Variants in MAGEA11 observed in about 807,000 individuals in gnomAD.
MAGEA11 encodes the protein melanoma-associated antigen 11.
In MAGEA11, 1 loss-of-function variant was observed where a neutral mutation model predicts 8.4. The observed-to-expected ratio is 0.12, with a 90% confidence interval of 0.04 to 0.57. The LOEUF (loss-of-function observed/expected upper bound fraction) is 0.57. Ranked by LOEUF, MAGEA11 falls within the 20% of genes least tolerant of loss-of-function variation. The pLI, the probability that MAGEA11 is intolerant of heterozygous loss-of-function variation, is 0.91. For synonymous variants in MAGEA11, 127 were observed against 119.3 expected (o/e 1.06, Z -0.42); for missense variants, 209 against 317.3 (o/e 0.66, Z 2.59).
chrX:149,714,641 C>A lies in MAGEA11; in HGVS notation c.192+65C>A, dbSNP rs2090418294. Reference sequence around the variant, plus strand: ...AGAACACAGAGGGCTGCTTAGAAATCTGCTCTGCCCCTGCTGTCTCCCCAG... The same window carrying A: ...AGAACACAGAGGGCTGCTTAGAAATATGCTCTGCCCCTGCTGTCTCCCCAG... On this transcript the variant is annotated intron_variant, in intron 3 of 4. Coordinates refer to ENST00000355220, the MANE Select transcript of MAGEA11 (RefSeq NM_005366.5). 5 of 1,183,393 alleles carry A rather than the reference C, an allele frequency of 4.2e-6. No individual in the cohort carries two copies. In the East Asian group the frequency reaches 1.5e-4, roughly 36 times the overall value.
intron 1 of MAGEA11, among the ~76,000 whole-genome samples, chrX:149,705,328 C>T (rs1557361367): frequency 9.0e-6 from 1 of 111,538 alleles, no homozygotes; most frequent in East Asian, 2.8e-4. Flanking sequence ...GAATGAGTCT[C>T]ACGAGATCTC....
At chrX:149,689,548 G>A (rs1557359956) in intron 1 of MAGEA11, among the ~76,000 whole-genome samples, 7 of 112,278 alleles carry the variant, frequency 6.2e-5, no homozygotes, top group South Asian at 7.4e-4. Context: ...AGTCCTGTTC[G>A]CCCAGCATCC....
At chrX:149,705,609 G>A (rs1013113889) in intron 1 of MAGEA11, among the ~76,000 whole-genome samples, 18 of 112,474 alleles carry the variant, frequency 1.6e-4, no homozygotes, top group African/African-American at 5.5e-4. Context: ...TAAGTGCAGG[G>A]TTTCAGTCAT....
At position 149,716,864 on chromosome X, in the gene MAGEA11, A is replaced by T. The variant is rs1602944533; in HGVS notation, c.*88A>T. 8 of 895,082 alleles carry T rather than the reference A, an allele frequency of 8.9e-6. No homozygotes were observed. The East Asian group carries it at 1.9e-4, about 21-fold the overall frequency. The allele number at this position is 895,082 out of a possible 1,213,427, so 73.8% of individuals were successfully genotyped here. A position where few individuals can be genotyped will look rare whatever the true frequency, so the allele number is the denominator to read the frequency against. On this transcript the variant is annotated 3_prime_UTR_variant, in exon 5 of 5. Coordinates refer to ENST00000355220, the MANE Select transcript of MAGEA11 (RefSeq NM_005366.5). ...CCCAGCAGTTTCCCTGTCCTGTGTG[A>T]AATCAGGCCCATTCTTCCCTCTGTG... is the stretch of plus-strand genomic sequence containing the variant.
intron 3 of MAGEA11, 134 bp downstream of exon 3, chrX:149,714,710 G>T: frequency 9.7e-7 from 1 of 1,027,278 alleles, no homozygotes; most frequent in Non-Finnish European, 1.3e-6. Context: ...CTCTTATACT[G>T]GGATCATTGG....
chrX:149,714,388 G>A (rs1301201609), intron 2 of MAGEA11, 93 bp from the exon 3 acceptor site: 79 of 1,124,372 alleles, frequency 7.0e-5, no homozygotes, highest in Non-Finnish European at 8.7e-5. Flanking sequence ...CCCCAGAACC[G>A]AAGGGTCCAG....
chrX:149,691,788 A>G (rs903720639), intron 1 of MAGEA11, among the ~76,000 whole-genome samples: 1 of 112,475 alleles, frequency 8.9e-6, no homozygotes, highest in East Asian at 2.8e-4. Flanking sequence ...CTCAACTCAA[A>G]AAACATCAAG....
chrX:149,689,471 A>G (rs1271249072), intron 1 of MAGEA11, among the ~76,000 whole-genome samples: 1 of 112,277 alleles, frequency 8.9e-6, no homozygotes, highest in Non-Finnish European at 1.9e-5. Context: ...GAAGCCTTCC[A>G]TAGAACTCCA....
intron 1 of MAGEA11, among the ~76,000 whole-genome samples, chrX:149,699,927 C>T (rs1265609617): frequency 1.8e-5 from 2 of 111,835 alleles, no homozygotes; most frequent in Non-Finnish European, 3.8e-5. Context: ...TAAGGGGAAG[C>T]AGGCACCTTC....
chrX:149,697,910 C>T (rs938487678), intron 1 of MAGEA11, among the ~76,000 whole-genome samples: 46 of 111,919 alleles, frequency 4.1e-4, no homozygotes, highest in African/African-American at 1.4e-3. Context: ...CTTCCCCCTT[C>T]GCACTGCACT....
chrX:149,691,069 G>A (rs1333306819), intron 1 of MAGEA11, among the ~76,000 whole-genome samples: 1 of 111,149 alleles, frequency 9.0e-6, no homozygotes, highest in African/African-American at 3.3e-5. Flanking sequence ...ACTTTTAAAA[G>A]TTTCTTGTGA....
chrX:149,701,838 G>T (rs930347243), intron 1 of MAGEA11, among the ~76,000 whole-genome samples: 2 of 111,495 alleles, frequency 1.8e-5, no homozygotes, highest in Non-Finnish European at 3.8e-5. Flanking sequence ...TTTCCCCATT[G>T]CTTGTTTTTC....
chrX:149,700,618 G>A (rs1192014963), intron 1 of MAGEA11, among the ~76,000 whole-genome samples: 1 of 108,880 alleles, frequency 9.2e-6, no homozygotes, highest in Non-Finnish European at 1.9e-5. Flanking sequence ...ACATTGTGCA[G>A]GTTAGTTACA....
At chrX:149,701,297 T>C (rs1557360987) in intron 1 of MAGEA11, among the ~76,000 whole-genome samples, 1 of 106,522 alleles carries the variant, frequency 9.4e-6, no homozygotes, top group African/African-American at 3.4e-5. Flanking sequence ...GGTTTTGATT[T>C]GCATTTCTCT....
intron 1 of MAGEA11, among the ~76,000 whole-genome samples, chrX:149,705,309 C>T (rs1557361365): frequency 2.7e-5 from 3 of 111,403 alleles, no homozygotes; most frequent in Non-Finnish European, 5.7e-5. Flanking sequence ...ATGCTGTTCT[C>T]GTGATAGTGA....
At chrX:149,707,145 T>C (rs2090380930), upstream of MAGEA11, among the ~76,000 whole-genome samples, 1 of 111,991 alleles carries the variant, frequency 8.9e-6, no homozygotes, top group African/African-American at 3.2e-5. Flanking sequence ...TTTGGAAAGA[T>C]TGAAAATTCC....
chrX:149,715,513 C>A (rs1212768583), intron 3 of MAGEA11, 91 bp from the exon 4 acceptor site: 29 of 601,637 alleles, frequency 4.8e-5, no homozygotes, highest in Non-Finnish European at 7.4e-5. Flanking sequence ...GGACCCCCAG[C>A]TTGCAACCTC....
intron 1 of MAGEA11, among the ~76,000 whole-genome samples, chrX:149,692,483 C>T (rs1287797445): frequency 1.8e-5 from 2 of 110,832 alleles, no homozygotes; most frequent in African/African-American, 6.6e-5. Flanking sequence ...TGGCAAAGCC[C>T]CTGTTAGAGG....
At chrX:149,705,523 C>T (rs2090373757) in intron 1 of MAGEA11, among the ~76,000 whole-genome samples, 1 of 112,321 alleles carries the variant, frequency 8.9e-6, no homozygotes, top group African/African-American at 3.2e-5. Context: ...AAGTCCTTAT[C>T]AGCAGCATGA....
Sources: gnomAD v4.1 joint callset for allele counts (sites outside exome capture counted in the v4.1 genomes callset) on GRCh38, gnomAD v4.1.1 for gene constraint, MANE v1.5 for transcripts, NCBI Gene and HGNC (gene_info 2026-07-23, HGNC 2026-07-21) for gene names.